KIF26B: variants seen among roughly 807,000 people sequenced by gnomAD.
KIF26B encodes kinesin-like protein KIF26B.
In KIF26B, 63 loss-of-function variants were observed where a neutral mutation model predicts 151.2. That is an observed-to-expected ratio of 0.42 (90% CI 0.34 to 0.51). KIF26B has a LOEUF of 0.51. Ranked by LOEUF, KIF26B falls within the 20% of genes least tolerant of loss-of-function variation. KIF26B has a pLI of 0.07. For synonymous variants in KIF26B, 1,357 were observed against 1,262.1 expected, an observed-to-expected ratio of 1.08 and a Z score of -1.59; for missense variants, 2,813 against 2,913.6, an observed-to-expected ratio of 0.97 and a Z score of 0.79.
chr1:245,269,374 TCA>T (rs1266786576), intron 2 of KIF26B, among the ~76,000 whole-genome samples: 2 of 151,144 alleles, frequency 1.3e-5, no homozygotes, highest in African/African-American at 4.9e-5. Context: ...CTAAATAGAA[TCA>T]CACAGTATTT....
intron 3 of KIF26B, among the ~76,000 whole-genome samples, chr1:245,405,543 A>C (rs74153574): frequency 0.062 from 9,349 of 151,992 alleles, 993 homozygotes; most frequent in African/African-American, 0.21. Context: ...CCCCTGGCTT[A>C]TGGCTAACCT....
At chr1:245,181,988 C>A (rs1292065705) in intron 2 of KIF26B, among the ~76,000 whole-genome samples, 1 of 152,084 alleles carries the variant, frequency 6.6e-6, no homozygotes, top group East Asian at 1.9e-4. Context: ...AATTTATGTG[C>A]CATAAAATTC....
chr1:245,179,207 A>G (rs934685911), intron 2 of KIF26B, among the ~76,000 whole-genome samples: 1 of 152,204 alleles, frequency 6.6e-6, no homozygotes, highest in African/African-American at 2.4e-5. Flanking sequence ...AATTCTCCAG[A>G]GAATGCTTTA....
At chr1:245,684,479 C>A (rs2044483549) in intron 11 of KIF26B, 84 bp downstream of exon 11, 4 of 1,347,924 alleles carry the variant, frequency 3.0e-6, no homozygotes, top group Non-Finnish European at 4.0e-6. Context: ...AAAGCCAAAT[C>A]AACGTTGCCA....
At chr1:245,514,426 G>A (rs1242589764) in intron 4 of KIF26B, among the ~76,000 whole-genome samples, 1 of 152,028 alleles carries the variant, frequency 6.6e-6, no homozygotes, top group African/African-American at 2.4e-5. Context: ...CTACTCAGGA[G>A]GCTGAGGCAG....
intron 3 of KIF26B, among the ~76,000 whole-genome samples, chr1:245,398,080 C>T (rs1263610842): frequency 2.6e-5 from 4 of 152,070 alleles, no homozygotes; most frequent in Non-Finnish European, 5.9e-5. Flanking sequence ...TGAATGAATA[C>T]CCTGAAAAAT....
intron 4 of KIF26B, among the ~76,000 whole-genome samples, chr1:245,478,827 A>AG (rs1660101461): frequency 6.6e-6 from 1 of 151,796 alleles, no homozygotes; most frequent in South Asian, 2.1e-4. Flanking sequence ...GACGTGGGTG[A>AG]GAGTGGTGAT....
intron 2 of KIF26B, among the ~76,000 whole-genome samples, chr1:245,191,624 A>G (rs796672620): frequency 2.6e-5 from 4 of 152,384 alleles, no homozygotes; most frequent in African/African-American, 7.2e-5. Flanking sequence ...AACTCTGTAT[A>G]TCAGAAAACA....
rs1382584363 is a variant in KIF26B at position 245,166,853 on chromosome 1, A to T, written c.465+10170A>T. ...CACATACATCAGCTCTCAGGGCTGG[A>T]GGTGACCGTGGAGGAGAGGGATCCT... On this transcript the variant is annotated intron_variant, in intron 2 of 14. Coordinates refer to ENST00000407071, the MANE Select transcript of KIF26B (RefSeq NM_018012.4). This position sits in a 1 kb window ranked among gnomAD's most constrained non-coding sequence, Gnocchi z 4.5. 6.6e-6 allele frequency among the ~76,000 whole-genome samples: 1 copy of T among 152,202 alleles called. No homozygotes were observed. Among genetic ancestry groups the T allele is most frequent in the Non-Finnish European group, 1.5e-5 (1 of 68,034 alleles).
chr1:245,399,193 A>C lies in KIF26B; in HGVS notation c.1000-20386A>C, dbSNP rs563133095. On this transcript the variant is annotated intron_variant, in intron 3 of 14. Transcript: ENST00000407071. ...TTGAGGGTCTTTTAACTGTACCATT[A>C]TTATTGTTATCTGTCATCTTATTAG... 2.0e-5 allele frequency among the ~76,000 whole-genome samples: 3 copies of C among 152,158 alleles called. No homozygotes were observed. In the South Asian group the frequency reaches 6.2e-4, roughly 32 times the overall value.
intron 4 of KIF26B, among the ~76,000 whole-genome samples, chr1:245,531,519 GA>G (rs199687685): frequency 4.7e-5 from 7 of 149,604 alleles, no homozygotes; most frequent in South Asian, 2.1e-4. Flanking sequence ...AATGTTTTAA[GA>G]AAAAAAAAAT....
chr1:245,396,690 C>T (rs1456782582), intron 3 of KIF26B, among the ~76,000 whole-genome samples: 3 of 151,992 alleles, frequency 2.0e-5, no homozygotes, highest in Non-Finnish European at 4.4e-5. Flanking sequence ...TTTGCTTTAG[C>T]GTCTGCTATG....
intron 2 of KIF26B, among the ~76,000 whole-genome samples, chr1:245,238,425 A>G (rs1269514588): frequency 5.3e-5 from 8 of 152,216 alleles, no homozygotes; most frequent in Non-Finnish European, 1.2e-4. Flanking sequence ...CTCAAACTGT[A>G]TTTGATGAAG....
Position 245,338,481 on chromosome 1 carries a change from G to A in KIF26B, c.466-28353G>A, listed in dbSNP as rs143743103. On this transcript the variant is annotated intron_variant, in intron 2 of 14. Transcript: ENST00000407071. ...CAGAAGTTTGCCAGTCCCCAATCCA[G>A]ATGTTGGGTTCCTCTTGAATGTTGG... Among the ~76,000 whole-genome samples the A allele has an allele frequency of 7.9e-3, 1,208 of 152,286 alleles. 8 individuals are homozygous for A. Among genetic ancestry groups the A allele is most frequent in the Middle Eastern group, 0.024 (7 of 294 alleles).
At chr1:245,295,799 C>T (rs906278491) in intron 2 of KIF26B, among the ~76,000 whole-genome samples, 22 of 152,234 alleles carry the variant, frequency 1.4e-4, no homozygotes, top group South Asian at 1.0e-3. Context: ...GTTCTGAGCA[C>T]GCTGGATTTG....
intron 4 of KIF26B, among the ~76,000 whole-genome samples, chr1:245,517,590 GT>G (rs1429823521): frequency 1.3e-4 from 20 of 152,170 alleles, no homozygotes; most frequent in Non-Finnish European, 2.9e-5. Context: ...TGTATTATAG[GT>G]GCTGTGTAAA....
In KIF26B at chr1:245,564,098, C is replaced by T. The variant is rs2042983896; in HGVS notation, c.1350+23148C>T. On this transcript the variant is annotated intron_variant, in intron 5 of 14. Transcript: ENST00000407071. The surrounding 1 kb of genome is among the most constrained non-coding windows in gnomAD (Gnocchi z 4.6). ...TCCAATCCCAAGTACCAGTCAGGCT[C>T]CCACCGTCCCTTCCTATCCCAAAAT... 6.6e-6 allele frequency among the ~76,000 whole-genome samples: 1 copy of T among 152,044 alleles called. No homozygotes were observed. Among genetic ancestry groups the T allele is most frequent in the South Asian group, 2.1e-4 (1 of 4,814 alleles).
At chr1:245,527,543 T>G (rs1305761565) in intron 4 of KIF26B, among the ~76,000 whole-genome samples, 2 of 124,798 alleles carry the variant, frequency 1.6e-5, no homozygotes, top group Admixed American at 8.0e-5. Context: ...TTTTTTTTTT[T>G]TTTTTTTTGA....
chr1:245,284,025 A>G (rs951293601), intron 2 of KIF26B, among the ~76,000 whole-genome samples: 2 of 152,208 alleles, frequency 1.3e-5, no homozygotes, highest in Admixed American at 6.5e-5. Context: ...TCCCTACGCA[A>G]TGCGGCTTCC....
Sources: allele counts gnomAD v4.1 joint callset (sites outside exome capture counted in the v4.1 genomes callset), GRCh38; gene constraint gnomAD v4.1.1; non-coding constraint Gnocchi (gnomAD v3.1); transcripts MANE v1.5; gene names NCBI Gene and HGNC (gene_info 2026-07-23, HGNC 2026-07-21).